ME3: variants seen among roughly 807,000 people sequenced by gnomAD.
The protein encoded by ME3 is NADP-dependent malic enzyme, mitochondrial.
ME3 carries 48 observed loss-of-function variants against 68.9 expected under a neutral mutation model. That is an observed-to-expected ratio of 0.70 (90% CI 0.55 to 0.89). The LOEUF is 0.89. Ranked by LOEUF, ME3 falls within the 40% of genes least tolerant of loss-of-function variation. ME3 has a pLI of 0.00. For synonymous variants in ME3, 320 were observed against 318.8 expected (o/e 1.00, Z -0.04); for missense variants, 675 against 797.4 (o/e 0.85, Z 1.85).
intron 6 of ME3, among the ~76,000 whole-genome samples, chr11:86,496,696 A>G (rs1952358156): frequency 6.6e-6 from 1 of 152,208 alleles, no homozygotes; most frequent in Admixed American, 6.5e-5. Flanking sequence ...GACTAGAAAC[A>G]ACCTAAGTGC....
intron 2 of ME3, among the ~76,000 whole-genome samples, chr11:86,640,612 A>G (rs527959100): frequency 1.3e-5 from 2 of 152,344 alleles, no homozygotes; most frequent in East Asian, 3.9e-4. Context: ...CACCTAAACA[A>G]TAATGCCCAA....
At chr11:86,487,190 C>T (rs1052444189) in intron 7 of ME3, 147 bp downstream of exon 7, 11 of 665,800 alleles carry the variant, frequency 1.7e-5, no homozygotes, top group Admixed American at 6.7e-5. Context: ...TCTTATCACT[C>T]CTAGGGGTCA....
intron 2 of ME3, among the ~76,000 whole-genome samples, chr11:86,612,540 G>T (rs1289494682): frequency 1.3e-5 from 2 of 152,212 alleles, no homozygotes; most frequent in Non-Finnish European, 1.5e-5. Context: ...CAGTGTAAAA[G>T]TCTTCCTATT....
intron 2 of ME3, among the ~76,000 whole-genome samples, chr11:86,609,958 C>CA (rs1486118937): frequency 6.6e-6 from 1 of 152,194 alleles, no homozygotes; most frequent in Non-Finnish European, 1.5e-5. Context: ...ATGCGCTCTG[C>CA]ATTTGTTAAC....
chr11:86,602,686 A>G (rs10898510), intron 2 of ME3, among the ~76,000 whole-genome samples: 151 of 152,168 alleles, frequency 9.9e-4, no homozygotes, highest in Admixed American at 3.0e-3. Context: ...GAGGCATCAC[A>G]CTACCTGACT....
At chr11:86,634,146 G>C (rs909045519) in intron 2 of ME3, among the ~76,000 whole-genome samples, 4 of 152,206 alleles carry the variant, frequency 2.6e-5, no homozygotes, top group African/African-American at 9.7e-5. Flanking sequence ...AGAAGGAAGA[G>C]TAGAGGGAGG....
chr11:86,495,101 C>T (rs1471979878), intron 6 of ME3, among the ~76,000 whole-genome samples: 1 of 152,140 alleles, frequency 6.6e-6, no homozygotes, highest in Non-Finnish European at 1.5e-5. Flanking sequence ...AAATTAGGCA[C>T]AGGTGTAATG....
chr11:86,472,023 G>A (rs1275318149), intron 7 of ME3, among the ~76,000 whole-genome samples: 2 of 152,174 alleles, frequency 1.3e-5, no homozygotes, highest in African/African-American at 4.8e-5. Context: ...GGCAATGAGG[G>A]CTTCACAGGG....
chr11:86,476,118 A>C (rs951291250), intron 7 of ME3, among the ~76,000 whole-genome samples: 2 of 152,298 alleles, frequency 1.3e-5, no homozygotes, highest in African/African-American at 4.8e-5. Flanking sequence ...CAACAGGAGA[A>C]GCTTGGAGCT....
intron 4 of ME3, among the ~76,000 whole-genome samples, chr11:86,517,910 G>C (rs947659485): frequency 1.3e-5 from 2 of 152,056 alleles, no homozygotes; most frequent in Non-Finnish European, 2.9e-5. Flanking sequence ...CCTTTATTTT[G>C]ACAGTTGTAA....
intron 2 of ME3, among the ~76,000 whole-genome samples, chr11:86,606,440 A>T (rs927306446): frequency 2.0e-4 from 31 of 152,176 alleles, no homozygotes; most frequent in African/African-American, 6.8e-4. Flanking sequence ...CACAAGTGCC[A>T]CTCAGAACAC....
intron 7 of ME3, among the ~76,000 whole-genome samples, chr11:86,480,003 C>T (rs547675321): frequency 1.4e-3 from 216 of 152,052 alleles, no homozygotes; most frequent in African/African-American, 4.8e-3. Context: ...ATTTTCGGTA[C>T]AGATGGGGTT....
Position 86,578,861 on chromosome 11 carries a change from C to G in ME3, c.184-19038G>C, listed in dbSNP as rs189796886. ...CTATGATAGTAGTTCTGAAACTTTG[C>G]TACTCATTAGAACCACTGCCCTATG... On this transcript the variant is annotated intron_variant, in intron 2 of 14. Transcript: ENST00000543262. Among the ~76,000 whole-genome samples, 63 of 152,260 alleles carry G rather than the reference C, an allele frequency of 4.1e-4. No individual in the cohort carries two copies. The East Asian group carries it at 7.7e-3, about 19-fold the overall frequency.
At chr11:86,439,920 G>C (rs895792660), downstream of ME3, among the ~76,000 whole-genome samples, 5 of 152,162 alleles carry the variant, frequency 3.3e-5, no homozygotes, top group Non-Finnish European at 7.4e-5. Flanking sequence ...CTTCTGAATA[G>C]TTTTTCATTC....
At chr11:86,487,579 C>T (rs1264898897) in intron 6 of ME3, 139 bp from the exon 7 acceptor site, 37 of 656,392 alleles carry the variant, frequency 5.6e-5, no homozygotes, top group South Asian at 1.1e-4. Context: ...GGATCCCCCC[C>T]GCCCAGGTGT....
chr11:86,493,103 A>T (rs898830417), intron 6 of ME3, among the ~76,000 whole-genome samples: 12 of 152,208 alleles, frequency 7.9e-5, no homozygotes, highest in African/African-American at 2.9e-4. Flanking sequence ...ATGGCACCAC[A>T]TGGTGAATGC....
At chr11:86,617,578 A>G (rs775244308) in intron 2 of ME3, among the ~76,000 whole-genome samples, 26 of 152,190 alleles carry the variant, frequency 1.7e-4, no homozygotes, top group Non-Finnish European at 3.5e-4. Flanking sequence ...AAAATAACCA[A>G]CTTACAAATG....
chr11:86,566,882 TGTG>T (rs767741453), intron 2 of ME3, among the ~76,000 whole-genome samples: 12 of 151,808 alleles, frequency 7.9e-5, no homozygotes, highest in Non-Finnish European at 1.8e-4. Context: ...CCTCAGAAAA[TGTG>T]GTGGGGTGTC....
intron 5 of ME3, among the ~76,000 whole-genome samples, chr11:86,506,902 A>G (rs1472073548): frequency 2.0e-5 from 3 of 152,204 alleles, no homozygotes; most frequent in Non-Finnish European, 2.9e-5. Flanking sequence ...CATGCTGTGG[A>G]AACTTGCTTC....
Sources: allele counts gnomAD v4.1 joint callset (sites outside exome capture counted in the v4.1 genomes callset), GRCh38; gene constraint gnomAD v4.1.1; transcripts MANE v1.5; gene names NCBI Gene and HGNC (gene_info 2026-07-23, HGNC 2026-07-21).